Variants in TNFSF4 observed in about 807,000 individuals in gnomAD.
TNFSF4 encodes TNF superfamily member 4, also known as tumor necrosis factor ligand superfamily member 4.
TNFSF4 carries 4 observed loss-of-function variants against 7.3 expected under a neutral mutation model. The ratio of observed to expected loss-of-function variants is 0.55; its 90% CI spans 0.27 to 1.25. The LOEUF is 1.25. Among genes scored for constraint, TNFSF4 ranks in the 50% most tolerant of loss-of-function variants. The pLI is 0.12. For synonymous variants in TNFSF4, 76 were observed against 83.7 expected, an observed-to-expected ratio of 0.91 and a Z score of 0.50; for missense variants, 181 against 208.8, an observed-to-expected ratio of 0.87 and a Z score of 0.82.
At chr1:173,322,039 C>T in the TNFSF4 span, among the ~76,000 whole-genome samples, 1 of 152,160 alleles carries the variant, frequency 6.6e-6, no homozygotes, top group Admixed American at 6.5e-5. Context: ...GCACTATTTA[C>T]AATAGCAAAG....
At chr1:173,228,139 G>T in the TNFSF4 span, among the ~76,000 whole-genome samples, 2 of 152,222 alleles carry the variant, frequency 1.3e-5, no homozygotes, top group Admixed American at 6.5e-5. Flanking sequence ...CCTCAAGTGG[G>T]TCCCTGACCC....
chr1:173,425,858 T>A, the TNFSF4 span, among the ~76,000 whole-genome samples: 11 of 152,330 alleles, frequency 7.2e-5, no homozygotes, highest in South Asian at 2.3e-3. Flanking sequence ...TTGATGAATT[T>A]TTCACACATT....
chr1:173,414,290 C>G, the TNFSF4 span, among the ~76,000 whole-genome samples: 1 of 152,112 alleles, frequency 6.6e-6, no homozygotes, highest in Non-Finnish European at 1.5e-5. Context: ...TTTGCATGGC[C>G]TTTCCTCTGT....
At chr1:173,259,351 C>T in the TNFSF4 span, among the ~76,000 whole-genome samples, 3 of 151,894 alleles carry the variant, frequency 2.0e-5, no homozygotes, top group African/African-American at 4.8e-5. Flanking sequence ...AGGTCACCAG[C>T]CTCAAAGATC....
the TNFSF4 span, among the ~76,000 whole-genome samples, chr1:173,366,340 C>T: frequency 0.7 from 105,778 of 152,022 alleles, 36,995 homozygotes; most frequent in African/African-American, 0.77. Flanking sequence ...ACAACATAGA[C>T]GGAAGTGAAA....
At chr1:173,356,165 G>A in the TNFSF4 span, among the ~76,000 whole-genome samples, 1 of 152,342 alleles carries the variant, frequency 6.6e-6, no homozygotes, top group South Asian at 2.1e-4. Flanking sequence ...GGGGAGGGAT[G>A]CTCTGGCTTT....
chr1:173,290,820 A>C, the TNFSF4 span, among the ~76,000 whole-genome samples: 67 of 152,298 alleles, frequency 4.4e-4, no homozygotes, highest in South Asian at 0.013. Context: ...AAGACCAACC[A>C]CATGCCTGGC....
At chr1:173,331,247 C>T in the TNFSF4 span, among the ~76,000 whole-genome samples, 2 of 152,114 alleles carry the variant, frequency 1.3e-5, no homozygotes, top group African/African-American at 2.4e-5. Flanking sequence ...TTGTGCCTTT[C>T]GAATTCGTAT....
chr1:173,190,805 C>T (rs1207610919), intron 1 of TNFSF4, among the ~76,000 whole-genome samples: 1 of 152,216 alleles, frequency 6.6e-6, no homozygotes, highest in Admixed American at 6.5e-5. Flanking sequence ...ACAAACAGCA[C>T]AGGCCTCAGC....
the TNFSF4 span, among the ~76,000 whole-genome samples, chr1:173,317,794 C>T: frequency 3.3e-5 from 5 of 152,046 alleles, no homozygotes; most frequent in Admixed American, 6.5e-5. Flanking sequence ...AGGATTTTTC[C>T]GTTAGAGAGG....
At chr1:173,449,479 G>C in the TNFSF4 span, among the ~76,000 whole-genome samples, 20 of 151,784 alleles carry the variant, frequency 1.3e-4, no homozygotes, top group Middle Eastern at 3.4e-3. Flanking sequence ...TTAGTCTCCA[G>C]AGTATCTGGG....
the TNFSF4 span, among the ~76,000 whole-genome samples, chr1:173,445,882 T>G: frequency 2.0e-5 from 3 of 152,102 alleles, no homozygotes; most frequent in Non-Finnish European, 4.4e-5. Flanking sequence ...AGCTGCCAAG[T>G]AGAGGTTCCG....
chr1:173,293,544 G>C, the TNFSF4 span, among the ~76,000 whole-genome samples: 52 of 152,022 alleles, frequency 3.4e-4, 1 homozygote, highest in African/African-American at 1.2e-3. Context: ...ATACCATTCT[G>C]GACACTAGTC....
the TNFSF4 span, among the ~76,000 whole-genome samples, chr1:173,243,652 T>A: frequency 9.2e-5 from 14 of 152,354 alleles, no homozygotes; most frequent in African/African-American, 7.2e-5. Context: ...CTTCCACTTT[T>A]ATATCATCAC....
chr1:173,393,295 CGT>C, the TNFSF4 span, among the ~76,000 whole-genome samples: 1 of 152,228 alleles, frequency 6.6e-6, no homozygotes, highest in Non-Finnish European at 1.5e-5. Flanking sequence ...CTGCCAGAAA[CGT>C]GTGAGTCATT....
At chr1:173,382,208 C>A in the TNFSF4 span, among the ~76,000 whole-genome samples, 1 of 152,124 alleles carries the variant, frequency 6.6e-6, no homozygotes, top group African/African-American at 2.4e-5. Flanking sequence ...CCGGGAGGAA[C>A]AAACAACTCC....
chr1:173,249,447 C>G, the TNFSF4 span, among the ~76,000 whole-genome samples: 2 of 152,170 alleles, frequency 1.3e-5, no homozygotes, highest in African/African-American at 4.8e-5. Context: ...CAAGGGAAAG[C>G]TATACTCTTA....
the TNFSF4 span, among the ~76,000 whole-genome samples, chr1:173,305,171 G>A: frequency 6.6e-6 from 1 of 151,914 alleles, no homozygotes; most frequent in African/African-American, 2.4e-5. Flanking sequence ...TACTCCATAT[G>A]TTATGAAACA....
the TNFSF4 span, among the ~76,000 whole-genome samples, chr1:173,407,302 G>A: frequency 5.9e-4 from 89 of 152,000 alleles, no homozygotes; most frequent in Middle Eastern, 3.4e-3. Context: ...GGCCAGGCGC[G>A]GTGGCTCACA....
Sources: allele counts gnomAD v4.1 joint callset (sites outside exome capture counted in the v4.1 genomes callset), GRCh38; gene constraint gnomAD v4.1.1; transcripts MANE v1.5; gene names NCBI Gene and HGNC (gene_info 2026-07-23, HGNC 2026-07-21).